NALCN: variants seen among roughly 807,000 people sequenced by gnomAD.
NALCN encodes the protein sodium leak channel, non-selective.
NALCN carries 111 observed loss-of-function variants against 225.3 expected under a neutral mutation model. The observed-to-expected ratio is 0.49, with a 90% confidence interval of 0.42 to 0.58. The LOEUF (loss-of-function observed/expected upper bound fraction) is 0.58, where lower values mean the gene tolerates loss of function less well. Among genes scored for constraint, NALCN ranks in the 20% least tolerant of loss-of-function variants. The pLI is 0.00. For synonymous variants in NALCN, 764 were observed against 769.0 expected (o/e 0.99, Z 0.11); for missense variants, 1,378 against 2,202.4 (o/e 0.63, Z 7.49).
At chr13:101,077,591 T>C (rs918156435) in intron 34 of NALCN, among the ~76,000 whole-genome samples, 1 of 152,178 alleles carries the variant, frequency 6.6e-6, no homozygotes, top group Admixed American at 6.6e-5. Context: ...TGTGGAACTT[T>C]GAATTTAAGA....
intron 12 of NALCN, among the ~76,000 whole-genome samples, chr13:101,232,697 C>T (rs369038956): frequency 2.6e-5 from 4 of 152,148 alleles, no homozygotes; most frequent in African/African-American, 4.8e-5. Context: ...CCGCCTGCCT[C>T]GGCCTCCCAA....
intron 11 of NALCN, among the ~76,000 whole-genome samples, chr13:101,246,397 C>A (rs1459384966): frequency 4.6e-5 from 7 of 152,154 alleles, no homozygotes; most frequent in Admixed American, 4.6e-4. Context: ...ACAAAGCTCA[C>A]AAGAAAATCA....
At chr13:101,063,460 T>C (rs1300850328) in intron 40 of NALCN, among the ~76,000 whole-genome samples, 1 of 152,230 alleles carries the variant, frequency 6.6e-6, no homozygotes, top group Non-Finnish European at 1.5e-5. Flanking sequence ...TTTTATTAGA[T>C]ACATCGGTGT....
chr13:101,128,178 G>A (rs940307200), intron 17 of NALCN, among the ~76,000 whole-genome samples: 2 of 152,164 alleles, frequency 1.3e-5, no homozygotes, highest in Non-Finnish European at 2.9e-5. Flanking sequence ...TCAAAGATTC[G>A]TTGAAGAAGA....
chr13:101,192,269 A>G (rs962608453), intron 13 of NALCN, among the ~76,000 whole-genome samples: 3 of 152,230 alleles, frequency 2.0e-5, no homozygotes, highest in Non-Finnish European at 4.4e-5. Context: ...GAAAATAATT[A>G]CCCTGAATTA....
chr13:101,060,275 GTTTTTTT>G (rs771531599), intron 41 of NALCN, among the ~76,000 whole-genome samples: 6 of 79,834 alleles, frequency 7.5e-5, no homozygotes, highest in African/African-American at 3.1e-4. Flanking sequence ...GGTGTTTTCT[GTTTTTTT>G]TTTTTTTTTT....
At chr13:101,342,633 A>C (rs371957542) in intron 7 of NALCN, among the ~76,000 whole-genome samples, 2 of 152,266 alleles carry the variant, frequency 1.3e-5, no homozygotes, top group East Asian at 1.9e-4. Context: ...TCTTCTCAGG[A>C]AGTTTTCTGT....
chr13:101,132,902 A>G (rs1289986773), intron 17 of NALCN, among the ~76,000 whole-genome samples: 1 of 152,160 alleles, frequency 6.6e-6, no homozygotes, highest in Non-Finnish European at 1.5e-5. Flanking sequence ...TGCAAAATCG[A>G]AACTAACCAA....
chr13:101,253,798 G>A (rs958584509), intron 11 of NALCN, among the ~76,000 whole-genome samples: 1 of 152,128 alleles, frequency 6.6e-6, no homozygotes, highest in African/African-American at 2.4e-5. Flanking sequence ...CAATTTCAGA[G>A]TTGAGTAGTT....
At chr13:101,182,834 T>C (rs2039294715) in intron 14 of NALCN, among the ~76,000 whole-genome samples, 1 of 151,630 alleles carries the variant, frequency 6.6e-6, no homozygotes, top group South Asian at 2.1e-4. Context: ...GAGAATGACT[T>C]TGCGGTTCTT....
chr13:101,290,761 A>G (rs2043522611), intron 9 of NALCN, among the ~76,000 whole-genome samples: 1 of 152,162 alleles, frequency 6.6e-6, no homozygotes, highest in Non-Finnish European at 1.5e-5. Context: ...TCAAAAGTAA[A>G]ATTTGTACAC....
Position 101,104,525 on chromosome 13 carries a change from G to T in NALCN, c.2757+5C>A, listed in dbSNP as rs772170189. The T allele has an allele frequency of 6.2e-7, 1 of 1,613,784 alleles. No homozygotes were observed. The highest frequency in any genetic ancestry group is 8.5e-7 in the Non-Finnish European group (1 of 1,179,884). ...AAGCTGAGATTTTGCAGCGGTAAGC[G>T]GTACCTGCAAAGTAGGTGCATGCAT... On this transcript the variant is annotated splice_donor_5th_base_variant and intron_variant, in intron 24 of 43. Transcript: ENST00000251127. This position sits in a 1 kb window ranked among gnomAD's most constrained non-coding sequence, Gnocchi z 4.2.
chr13:101,379,599 G>A (rs1226692946), intron 3 of NALCN, among the ~76,000 whole-genome samples: 1 of 140,612 alleles, frequency 7.1e-6, no homozygotes, highest in Non-Finnish European at 1.6e-5. Context: ...ATCACTCTCA[G>A]CCAAACTAAC....
intron 15 of NALCN, among the ~76,000 whole-genome samples, chr13:101,160,573 C>T (rs1290190233): frequency 6.6e-6 from 1 of 152,142 alleles, no homozygotes; most frequent in Non-Finnish European, 1.5e-5. Flanking sequence ...ATTACAGTGG[C>T]ATGCAATAGA....
intron 39 of NALCN, among the ~76,000 whole-genome samples, chr13:101,066,376 C>T (rs746153446): frequency 1.3e-5 from 2 of 151,392 alleles, no homozygotes; most frequent in Non-Finnish European, 2.9e-5. Flanking sequence ...AAACTATATA[C>T]AAGAGAATTA....
chr13:101,072,268 T>A (rs1444359450), intron 37 of NALCN, among the ~76,000 whole-genome samples: 6 of 152,172 alleles, frequency 3.9e-5, no homozygotes, highest in African/African-American at 1.4e-4. Flanking sequence ...AACCTTCAAC[T>A]TGTAAAAATG....
At chr13:101,137,987 T>C (rs1035675426) in intron 17 of NALCN, among the ~76,000 whole-genome samples, 1 of 152,176 alleles carries the variant, frequency 6.6e-6, no homozygotes, top group African/African-American at 2.4e-5. Flanking sequence ...CTACCCAATT[T>C]CTCTCAAACA....
intron 15 of NALCN, among the ~76,000 whole-genome samples, chr13:101,170,034 C>T (rs1391659838): frequency 6.6e-6 from 1 of 152,220 alleles, no homozygotes; most frequent in Non-Finnish European, 1.5e-5. Flanking sequence ...CACCTTGCTA[C>T]CGCCCTCAAT....
intron 7 of NALCN, among the ~76,000 whole-genome samples, chr13:101,333,151 G>A: frequency 6.6e-6 from 1 of 152,044 alleles, no homozygotes; most frequent in East Asian, 1.9e-4. Flanking sequence ...CTTTCAGAAT[G>A]GTTACATTCT....
Sources: allele counts gnomAD v4.1 joint callset (sites outside exome capture counted in the v4.1 genomes callset), GRCh38; gene constraint gnomAD v4.1.1; non-coding constraint Gnocchi (gnomAD v3.1); transcripts MANE v1.5; gene names NCBI Gene and HGNC (gene_info 2026-07-23, HGNC 2026-07-21).